OR52I2: variants seen among roughly 807,000 people sequenced by gnomAD.
OR52I2 encodes olfactory receptor 52I2.
For missense variants in OR52I2, 350 were observed against 402.4 expected, an observed-to-expected ratio of 0.87 and a Z score of 1.11; for synonymous variants, 147 against 151.9, an observed-to-expected ratio of 0.97 and a Z score of 0.24.
At chr11:4,586,674 A>T in intron 1 of OR52I2, 198 bp from the exon 2 acceptor site, 1 of 728,574 alleles carries the variant, frequency 1.4e-6, no homozygotes, top group South Asian at 1.9e-5. Flanking sequence ...GAGCTGATCC[A>T]TGAACAATGA....
intron 1 of OR52I2, among the ~76,000 whole-genome samples, chr11:4,584,585 TTTC>T (rs2133185424): frequency 6.6e-6 from 1 of 152,340 alleles, no homozygotes; most frequent in South Asian, 2.1e-4. Context: ...ATTCTTAGGC[TTTC>T]TTATTAAAGA....
chr11:4,587,967 G>GGATA (rs2133188320), exon 2 of OR52I2: 1 of 934,088 alleles, frequency 1.1e-6, no homozygotes. Context: ...AAGGTGTAAA[G>GGATA]GATATCCTTG....
chr11:4,587,927 T>C, exon 2 of OR52I2: 2 of 1,340,118 alleles, frequency 1.5e-6, no homozygotes, highest in Non-Finnish European at 2.1e-6. Flanking sequence ...CAGAGCTTAG[T>C]TTACCTGGTG....
At chr11:4,588,204 G>A in exon 2 of OR52I2, 1 of 269,358 alleles carries the variant, frequency 3.7e-6, no homozygotes, top group Admixed American at 4.8e-5. Context: ...TAAAATGAAA[G>A]ACAACAAAGA....
exon 2 of OR52I2, chr11:4,587,238 G>A (rs147493036): frequency 3.8e-4 from 612 of 1,614,094 alleles, no homozygotes; most frequent in South Asian, 1.1e-3. Context: ...CTGTGGAGAC[G>A]GGGCTGCTGC....
At chr11:4,586,232 T>C (rs1339128785) in intron 1 of OR52I2, among the ~76,000 whole-genome samples, 1 of 152,196 alleles carries the variant, frequency 6.6e-6, no homozygotes, top group African/African-American at 2.4e-5. Flanking sequence ...AACTCATTCA[T>C]GTATTTCTTT....
exon 2 of OR52I2, chr11:4,587,311 A>T (rs1846310906): frequency 6.2e-7 from 1 of 1,613,398 alleles, no homozygotes; most frequent in South Asian, 1.1e-5. Flanking sequence ...GAGAATTCTC[A>T]CGCCTCAAGT....
chr11:4,586,307 T>C (rs182262026), intron 1 of OR52I2, among the ~76,000 whole-genome samples: 1 of 152,352 alleles, frequency 6.6e-6, no homozygotes, highest in Non-Finnish European at 1.5e-5. Flanking sequence ...AAATACGATA[T>C]GTTTGACCTC....
intron 1 of OR52I2, among the ~76,000 whole-genome samples, chr11:4,586,013 G>T (rs1248868135): frequency 6.6e-6 from 1 of 152,108 alleles, no homozygotes; most frequent in Non-Finnish European, 1.5e-5. Flanking sequence ...AAAAATAGCT[G>T]CATTGAAAAA....
At chr11:4,581,989 G>T (rs557885473) in intron 1 of OR52I2, 125 bp downstream of exon 1, 1 of 152,386 alleles carries the variant, frequency 6.6e-6, no homozygotes, top group Non-Finnish European at 1.5e-5. Context: ...CCCATATAGG[G>T]CTGTCTAGGT....
chr11:4,583,491 CA>C (rs1846276336), intron 1 of OR52I2, among the ~76,000 whole-genome samples: 1 of 152,088 alleles, frequency 6.6e-6, no homozygotes, highest in Non-Finnish European at 1.5e-5. Context: ...CAATAATGCA[CA>C]AGCCTAAGTT....
exon 1 of OR52I2, chr11:4,581,770 G>C (rs1206842159): frequency 6.6e-6 from 1 of 152,258 alleles, no homozygotes; most frequent in East Asian, 1.9e-4. Flanking sequence ...CTCTTGAAGA[G>C]TCCTGTACAA....
At chr11:4,587,862 A>G in exon 2 of OR52I2, 1 of 1,612,654 alleles carries the variant, frequency 6.2e-7, no homozygotes, top group Non-Finnish European at 8.5e-7. Flanking sequence ...ACCTGGGTTC[A>G]TGAACACAAT....
At chr11:4,590,304 G>T (rs757606576) in exon 2 of OR52I2, 28 of 152,200 alleles carry the variant, frequency 1.8e-4, no homozygotes, top group Non-Finnish European at 3.4e-4. Flanking sequence ...AAAGGAAAAA[G>T]AGTTACTGGA....
chr11:4,591,807 G>T (rs1405587435), exon 2 of OR52I2: 1 of 152,140 alleles, frequency 6.6e-6, no homozygotes, highest in Admixed American at 6.5e-5. Context: ...TTAGAGATGG[G>T]TTGTAGGAAA....
chr11:4,583,945 C>G (rs1048536094), intron 1 of OR52I2, among the ~76,000 whole-genome samples: 1 of 152,124 alleles, frequency 6.6e-6, no homozygotes, highest in African/African-American at 2.4e-5. Context: ...GGTAAATGTT[C>G]CTCTAGTGCT....
At chr11:4,590,436 C>A (rs1846342410) in exon 2 of OR52I2, 1 of 152,138 alleles carries the variant, frequency 6.6e-6, no homozygotes, top group Admixed American at 6.5e-5. Context: ...GTGTCCTGTT[C>A]TTTGCAAAGA....
chr11:4,586,341 A>G (rs1319706738), intron 1 of OR52I2, among the ~76,000 whole-genome samples: 1 of 152,200 alleles, frequency 6.6e-6, no homozygotes, highest in East Asian at 1.9e-4. Context: ...TCATATAACA[A>G]CTAGTAACTG....
intron 1 of OR52I2, among the ~76,000 whole-genome samples, chr11:4,582,868 A>C (rs1846270241): frequency 6.6e-6 from 1 of 152,206 alleles, no homozygotes; most frequent in Non-Finnish European, 1.5e-5. Flanking sequence ...TTCTGAAAAC[A>C]GTATGCCTTA....
Sources: gnomAD v4.1 joint callset for allele counts (sites outside exome capture counted in the v4.1 genomes callset) on GRCh38, gnomAD v4.1.1 for gene constraint, MANE v1.5 for transcripts, NCBI Gene and HGNC (gene_info 2026-07-23, HGNC 2026-07-21) for gene names.